The following WDR64 variants were observed in gnomAD, a reference collection of about 807,000 sequenced individuals.
The protein encoded by WDR64 is WD repeat domain 64.
A neutral mutation model predicts 139.3 loss-of-function variants in WDR64; 112 were observed. That is an observed-to-expected ratio of 0.80 (90% CI 0.69 to 0.94). The LOEUF is 0.94. Among genes scored for constraint, WDR64 ranks in the 40% least tolerant of loss-of-function variants. WDR64 has a pLI of 0.00. For missense variants in WDR64, 1,206 were observed against 1,293.1 expected (o/e 0.93, Z 1.03); for synonymous variants, 444 against 437.7 (o/e 1.01, Z -0.18).
intron 1 of WDR64, among the ~76,000 whole-genome samples, chr1:241,655,874 A>G (rs958271635): frequency 6.6e-6 from 1 of 151,912 alleles, no homozygotes; most frequent in Non-Finnish European, 1.5e-5. Flanking sequence ...TAACCTGCTA[A>G]AGTTGATATT....
intron 1 of WDR64, among the ~76,000 whole-genome samples, chr1:241,654,611 T>C (rs1377715529): frequency 6.6e-6 from 1 of 152,196 alleles, no homozygotes; most frequent in African/African-American, 2.4e-5. Flanking sequence ...CTGTGTTCTC[T>C]CTCAGTCTTA....
At chr1:241,757,732 C>A (rs893753704) in intron 15 of WDR64, among the ~76,000 whole-genome samples, 1 of 149,902 alleles carries the variant, frequency 6.7e-6, no homozygotes, top group Non-Finnish European at 1.5e-5. Flanking sequence ...GACCCTCCTG[C>A]CTCAGCCCCC....
chr1:241,773,972 G>A (rs1658557526), intron 20 of WDR64, among the ~76,000 whole-genome samples: 1 of 152,152 alleles, frequency 6.6e-6, no homozygotes, highest in East Asian at 1.9e-4. Flanking sequence ...TTGAAAGAAG[G>A]TATTGCATCG....
rs114845408 is a variant in WDR64, at chr1:241,707,302, T to A, written c.975-4500T>A. On this transcript the variant is annotated intron_variant, in intron 8 of 27. Transcript: ENST00000437684. ...AGCCCTAAAAACTCTACTTCCTTCA[T>A]AGGCTTTGCTGCCCCTGGCAACTTT... Among the ~76,000 whole-genome samples the A allele has an allele frequency of 5.3e-3, 805 of 152,348 alleles. 13 individuals carry two copies. Among genetic ancestry groups the A allele is most frequent in the African/African-American group, 0.018 (767 of 41,580 alleles).
chr1:241,717,440 T>C (rs1250183258), intron 9 of WDR64, among the ~76,000 whole-genome samples: 1 of 152,042 alleles, frequency 6.6e-6, no homozygotes, highest in Non-Finnish European at 1.5e-5. Flanking sequence ...AGAAATCTGG[T>C]TTACTAGATG....
rs1665600771 is a variant in WDR64 at position 241,656,492 on chromosome 1, A to G, written c.145+3863A>G. Among the ~76,000 whole-genome samples the G allele has an allele frequency of 6.6e-6, 1 of 152,236 alleles. No individual in the cohort carries two copies. The highest frequency in any genetic ancestry group is 6.5e-5 in the Admixed American group (1 of 15,288). Reference sequence around the variant, plus strand: ...CTTGTAGCAGTTGGTGTAAATAAATATAAAACAGCTAAGGAACTGTTCAGA... The same window carrying G: ...CTTGTAGCAGTTGGTGTAAATAAATGTAAAACAGCTAAGGAACTGTTCAGA... On this transcript the variant is annotated intron_variant, in intron 1 of 27. Coordinates refer to ENST00000437684, the MANE Select transcript of WDR64 (RefSeq NM_001367482.1). The surrounding 1 kb of genome is among the most constrained non-coding windows in gnomAD (Gnocchi z 4.3).
rs567445927 is a variant in WDR64, at chr1:241,739,844, A to T, written c.1321+1355A>T. Among the ~76,000 whole-genome samples, 11 of 152,374 alleles carry T rather than the reference A, an allele frequency of 7.2e-5. No homozygotes were observed. In the South Asian group the frequency reaches 8.3e-4, roughly 11 times the overall value. ...CAACCATGAACTTGACATCAGAATTACATGAAGCTTATGTCTAGGATTTTA... is the reference window on the plus strand; with the variant it reads ...CAACCATGAACTTGACATCAGAATTTCATGAAGCTTATGTCTAGGATTTTA... On this transcript the variant is annotated intron_variant, in intron 11 of 27. Coordinates refer to ENST00000437684, the MANE Select transcript of WDR64 (RefSeq NM_001367482.1).
chr1:241,738,231 T>C (rs910229679), intron 10 of WDR64, 132 bp from the exon 11 acceptor site: 2 of 1,153,128 alleles, frequency 1.7e-6, no homozygotes, highest in African/African-American at 3.2e-5. Flanking sequence ...AGCAAATGCA[T>C]GCTTATCATA....
chr1:241,653,026 A>G (rs183978916), intron 1 of WDR64, among the ~76,000 whole-genome samples: 1 of 152,350 alleles, frequency 6.6e-6, no homozygotes, highest in African/African-American at 2.4e-5. Context: ...AGACTTTCAT[A>G]AGAAGTGCAG....
At chr1:241,775,341 AAAGTGTT>A (rs1359061871) in intron 21 of WDR64, 131 bp downstream of exon 21, 1 of 629,000 alleles carries the variant, frequency 1.6e-6, no homozygotes, top group Non-Finnish European at 2.6e-6. Context: ...CAAGCCTGAG[AAAGTGTT>A]ATAAATAGCC....
At chr1:241,772,707 C>T in intron 19 of WDR64, 85 bp from the exon 20 acceptor site, 1 of 1,398,110 alleles carries the variant, frequency 7.2e-7, no homozygotes, top group Non-Finnish European at 9.7e-7. Flanking sequence ...AAGTGATCCA[C>T]CTGCCTTGGC....
intron 24 of WDR64, among the ~76,000 whole-genome samples, chr1:241,788,445 C>T (rs1659117607): frequency 6.6e-6 from 1 of 152,156 alleles, no homozygotes; most frequent in Admixed American, 6.5e-5. Context: ...TTTTCAATAT[C>T]AGTGCAGCTC....
chr1:241,698,945 G>T (rs1333259689), intron 8 of WDR64, among the ~76,000 whole-genome samples: 2 of 152,226 alleles, frequency 1.3e-5, no homozygotes, highest in African/African-American at 4.8e-5. Flanking sequence ...GGTGGAAGGG[G>T]AAGCAAACAC....
intron 2 of WDR64, among the ~76,000 whole-genome samples, chr1:241,662,488 T>TATAC (rs945240065): frequency 5.3e-5 from 8 of 152,192 alleles, no homozygotes; most frequent in Non-Finnish European, 1.0e-4. Flanking sequence ...TGTGGCCCTC[T>TATAC]ATACTGGCAG....
At chr1:241,745,295 C>T (rs1045085057) in intron 13 of WDR64, among the ~76,000 whole-genome samples, 6 of 121,596 alleles carry the variant, frequency 4.9e-5, no homozygotes, top group Non-Finnish European at 9.4e-5. Context: ...CAGATGACAA[C>T]AGCACGTGAA....
intron 8 of WDR64, among the ~76,000 whole-genome samples, chr1:241,705,294 C>A (rs899689178): frequency 1.3e-5 from 2 of 152,004 alleles, no homozygotes; most frequent in Non-Finnish European, 1.5e-5. Flanking sequence ...GTAATCCCAG[C>A]ACTTTGGGAG....
At chr1:241,750,711 T>G (rs1022094734) in intron 14 of WDR64, among the ~76,000 whole-genome samples, 2 of 152,228 alleles carry the variant, frequency 1.3e-5, no homozygotes, top group African/African-American at 4.8e-5. Flanking sequence ...ACTGTAGCAT[T>G]TTTCACATTG....
intron 26 of WDR64, 111 bp from the exon 27 acceptor site, chr1:241,796,146 G>A: frequency 5.7e-6 from 3 of 521,856 alleles, no homozygotes; most frequent in South Asian, 4.3e-5. Context: ...AAGAAGGGGG[G>A]TGTGTATTTT....
At chr1:241,726,048 T>A (rs1301999830) in intron 10 of WDR64, among the ~76,000 whole-genome samples, 3 of 151,154 alleles carry the variant, frequency 2.0e-5, no homozygotes, top group Non-Finnish European at 3.0e-5. Flanking sequence ...AGCTCTCTTT[T>A]TTTTTTTTTA....
Sources: gnomAD v4.1 joint callset for allele counts (sites outside exome capture counted in the v4.1 genomes callset) on GRCh38, gnomAD v4.1.1 for gene constraint, Gnocchi (gnomAD v3.1) non-coding constraint, MANE v1.5 for transcripts, NCBI Gene and HGNC (gene_info 2026-07-23, HGNC 2026-07-21) for gene names.